UBXN2A: variants seen among roughly 807,000 people sequenced by gnomAD.
UBXN2A encodes UBX domain-containing protein 2A.
In UBXN2A, 28 loss-of-function variants were observed where a neutral mutation model predicts 28.4. The ratio of observed to expected loss-of-function variants is 0.99; its 90% CI spans 0.73 to 1.35. The LOEUF (loss-of-function observed/expected upper bound fraction) is 1.35. Ranked by LOEUF, UBXN2A falls within the 40% of genes most tolerant of loss-of-function variation. The pLI is 0.00. For synonymous variants in UBXN2A, 97 were observed against 103.6 expected (o/e 0.94, Z 0.39); for missense variants, 253 against 297.9 (o/e 0.85, Z 1.11).
At chr2:23,984,593 A>T in intron 5 of UBXN2A, 80 bp from the exon 6 acceptor site, 1 of 1,168,690 alleles carries the variant, frequency 8.6e-7, no homozygotes, top group Non-Finnish European at 1.1e-6. Context: ...ACTTGCTATA[A>T]TATTTTTATA....
At chr2:23,983,677 ATTG>A (rs1708008265) in intron 5 of UBXN2A, among the ~76,000 whole-genome samples, 1 of 151,718 alleles carries the variant, frequency 6.6e-6, no homozygotes, top group African/African-American at 2.4e-5. Flanking sequence ...TTTGAATATT[ATTG>A]TTCTCTTTTT....
At chr2:23,994,511 A>G (rs1210761309) in intron 6 of UBXN2A, among the ~76,000 whole-genome samples, 4 of 151,970 alleles carry the variant, frequency 2.6e-5, no homozygotes, top group African/African-American at 9.7e-5. Flanking sequence ...TTCAGTCTGC[A>G]TATTTTCTAT....
At chr2:23,955,306 T>G (rs1020848857) in intron 1 of UBXN2A, among the ~76,000 whole-genome samples, 2 of 152,142 alleles carry the variant, frequency 1.3e-5, no homozygotes, top group Non-Finnish European at 2.9e-5. Flanking sequence ...CTTTGACTAT[T>G]TTCTAGAGTT....
intron 6 of UBXN2A, among the ~76,000 whole-genome samples, chr2:23,992,377 G>C (rs1708385463): frequency 1.3e-5 from 2 of 152,222 alleles, no homozygotes; most frequent in African/African-American, 2.4e-5. Flanking sequence ...GGAGAAGTAT[G>C]ATTGGAGGGC....
intron 1 of UBXN2A, 108 bp from the exon 2 acceptor site, chr2:23,958,193 C>T (rs1706726652): frequency 1.4e-6 from 1 of 701,066 alleles, no homozygotes; most frequent in East Asian, 3.0e-5. Context: ...TGAGTTTGCT[C>T]ACTTTTTCTT....
intron 1 of UBXN2A, among the ~76,000 whole-genome samples, chr2:23,954,517 C>T (rs1181960018): frequency 6.6e-6 from 1 of 152,186 alleles, no homozygotes; most frequent in Admixed American, 6.6e-5. Flanking sequence ...TTCACATTCC[C>T]ACCAGTAGCG....
chr2:23,981,026 A>T (rs1707872817), intron 4 of UBXN2A, among the ~76,000 whole-genome samples: 1 of 152,168 alleles, frequency 6.6e-6, no homozygotes, highest in African/African-American at 2.4e-5. Flanking sequence ...TGATTTGCGA[A>T]TATTTTCTCT....
chr2:23,963,698 G>T (rs1183150996), intron 2 of UBXN2A, among the ~76,000 whole-genome samples: 2 of 152,124 alleles, frequency 1.3e-5, no homozygotes, highest in Non-Finnish European at 2.9e-5. Context: ...TGTTGATGGG[G>T]ATGCAAAATG....
chr2:23,950,852 C>T lies in UBXN2A; in HGVS notation c.-14-7449C>T, dbSNP rs914721641. On this transcript the variant is annotated intron_variant, in intron 1 of 6. Coordinates refer to ENST00000309033, the MANE Select transcript of UBXN2A (RefSeq NM_181713.4). ...CCGAGTAGTTGGGATTACAGGTATGCGCCACCACACCCATGCGTGGTTCGC... is the reference window on the plus strand; with the variant it reads ...CCGAGTAGTTGGGATTACAGGTATGTGCCACCACACCCATGCGTGGTTCGC... Among the ~76,000 whole-genome samples the T allele has an allele frequency of 2.6e-5, 4 of 151,552 alleles. No homozygotes were observed. In the East Asian group the frequency reaches 5.8e-4, roughly 22 times the overall value.
At chr2:23,991,776 T>TAA (rs1487623251) in intron 6 of UBXN2A, among the ~76,000 whole-genome samples, 1 of 151,574 alleles carries the variant, frequency 6.6e-6, no homozygotes, top group Non-Finnish European at 1.5e-5. Flanking sequence ...CCGGCCTTTT[T>TAA]TGTTTTTTGT....
intron 6 of UBXN2A, among the ~76,000 whole-genome samples, chr2:23,990,523 T>C (rs1156970558): frequency 1.7e-5 from 1 of 58,632 alleles, no homozygotes; most frequent in Non-Finnish European, 3.3e-5. Flanking sequence ...TCCCAGCACT[T>C]TGGGAGGCCG....
At position 23,963,485 on chromosome 2, in the gene UBXN2A, A is replaced by AG. The variant is rs1707028178; in HGVS notation, c.41+5130_41+5131insG. On this transcript the variant is annotated intron_variant, in intron 2 of 6. Transcript: ENST00000309033. The stretch of plus-strand genomic sequence containing the variant: ...AGACAGTGTCTCAAAAAAAAAAAAA[A>AG]AGAGAAAAGTGGAAAAAAAGTCTGA... Among the ~76,000 whole-genome samples the AG allele has an allele frequency of 4.0e-5, 6 of 151,884 alleles. 2 individuals carry two copies. Among genetic ancestry groups the AG allele is most frequent in the Admixed American group, 3.3e-4 (5 of 15,204 alleles).
intron 6 of UBXN2A, among the ~76,000 whole-genome samples, chr2:23,993,781 T>C (rs1708437229): frequency 6.6e-6 from 1 of 151,664 alleles, no homozygotes; most frequent in Non-Finnish European, 1.5e-5. Flanking sequence ...TCTGCCTCCC[T>C]GGTTCAAGCA....
At chr2:23,994,197 A>G (rs916200048) in intron 6 of UBXN2A, among the ~76,000 whole-genome samples, 1 of 152,154 alleles carries the variant, frequency 6.6e-6, no homozygotes, top group Admixed American at 6.5e-5. Flanking sequence ...TTTGAAAGAT[A>G]TTAAGTCTTT....
intron 6 of UBXN2A, among the ~76,000 whole-genome samples, chr2:23,997,970 C>T (rs1708605707): frequency 6.6e-6 from 1 of 151,912 alleles, no homozygotes; most frequent in African/African-American, 2.4e-5. Flanking sequence ...CACCACCACA[C>T]CCAGATAATT....
intron 1 of UBXN2A, among the ~76,000 whole-genome samples, chr2:23,946,878 A>T (rs1185669108): frequency 7.0e-6 from 1 of 142,720 alleles, no homozygotes; most frequent in African/African-American, 2.6e-5. Context: ...TCAGACTCCC[A>T]ATTTATTAAT....
upstream of UBXN2A, among the ~76,000 whole-genome samples, chr2:23,937,487 T>C (rs1348719537): frequency 6.6e-6 from 1 of 152,102 alleles, no homozygotes; most frequent in East Asian, 1.9e-4. Context: ...GAGTTCGATA[T>C]CAACCTGGGC....
rs544141375 is a variant in UBXN2A at position 24,001,561 on chromosome 2, G to T, written c.*1694G>T. Reference sequence around the variant, plus strand: ...ATAGCAGCAGTAATGTTCATAGGGTGCGAGATGCCTGCTATGAAACAGCAA... The same window carrying T: ...ATAGCAGCAGTAATGTTCATAGGGTTCGAGATGCCTGCTATGAAACAGCAA... On this transcript the variant is annotated 3_prime_UTR_variant, in exon 7 of 7. Coordinates refer to ENST00000309033, the MANE Select transcript of UBXN2A (RefSeq NM_181713.4). 13 of 152,160 alleles carry T rather than the reference G, an allele frequency of 8.5e-5. No individual in the cohort carries two copies. In the South Asian group the frequency reaches 2.5e-3, roughly 29 times the overall value. 9.4% of individuals were successfully genotyped at this position (152,160 alleles called of 1,614,324 possible). A position where few individuals can be genotyped will look rare whatever the true frequency, so the allele number is the denominator to read the frequency against.
rs1708754943 is a variant in UBXN2A at position 24,003,631 on chromosome 2, A to G, written c.*3764A>G. On this transcript the variant is annotated 3_prime_UTR_variant, in exon 7 of 7. Transcript: ENST00000309033. The stretch of plus-strand genomic sequence containing the variant: ...TTGTCCATTACTCTTAGAAATGAAC[A>G]GGTACATAATAGAAAATAAATAATT... The G allele has an allele frequency of 2.0e-5, 3 of 152,016 alleles. No homozygotes were observed. The South Asian group carries it at 6.3e-4, about 32-fold the overall frequency. The allele number at this position is 152,016 out of a possible 1,614,324, so 9.4% of individuals were successfully genotyped here. A position where few individuals can be genotyped will look rare whatever the true frequency, so the allele number is the denominator to read the frequency against.
Sources: gnomAD v4.1 joint callset for allele counts (sites outside exome capture counted in the v4.1 genomes callset) on GRCh38, gnomAD v4.1.1 for gene constraint, MANE v1.5 for transcripts, NCBI Gene and HGNC (gene_info 2026-07-23, HGNC 2026-07-21) for gene names.